Variants in SETD2 observed in about 807,000 individuals in gnomAD.
The protein encoded by SETD2 is SET domain containing 2, histone lysine methyltransferase, also known as histone-lysine N-methyltransferase SETD2.
SETD2 carries 31 observed loss-of-function variants against 242.1 expected under a neutral mutation model. The observed-to-expected ratio is 0.13, with a 90% CI of 0.10 to 0.17. The LOEUF is 0.17. SETD2 is among the 10% of genes least tolerant of loss of function. SETD2 has a pLI of 1.00. For synonymous variants in SETD2, 1,006 were observed against 1,066.5 expected, an observed-to-expected ratio of 0.94 and a Z score of 1.11; for missense variants, 2,481 against 3,046.3, an observed-to-expected ratio of 0.81 and a Z score of 4.37.
chr3:47,105,903 CAAAAA>C (rs55987628), intron 6 of SETD2, 89 bp downstream of exon 6: 9,598 of 955,674 alleles, frequency 0.01, no homozygotes, highest in South Asian at 0.015. Context: ...ACTCCGTCTC[CAAAAA>C]AAAAAAAAAA....
intron 18 of SETD2, among the ~76,000 whole-genome samples, chr3:47,029,850 C>T (rs528637006): frequency 7.2e-5 from 11 of 152,020 alleles, no homozygotes; most frequent in Non-Finnish European, 1.5e-4. Flanking sequence ...CTACAAAAAG[C>T]GGACATTTAA....
At chr3:47,066,349 C>G (rs1431285822) in intron 13 of SETD2, among the ~76,000 whole-genome samples, 1 of 151,984 alleles carries the variant, frequency 6.6e-6, no homozygotes, top group Admixed American at 6.6e-5. Flanking sequence ...TACATGTAAA[C>G]ATCTTTTTTC....
intron 1 of SETD2, among the ~76,000 whole-genome samples, chr3:47,149,250 A>C (rs2043929665): frequency 6.6e-6 from 1 of 152,192 alleles, no homozygotes; most frequent in Non-Finnish European, 1.5e-5. Flanking sequence ...CCAAGTTCTG[A>C]TATGCCACTA....
At chr3:47,026,795 G>A (rs1271825051) in intron 18 of SETD2, among the ~76,000 whole-genome samples, 2 of 151,660 alleles carry the variant, frequency 1.3e-5, no homozygotes, top group East Asian at 3.9e-4. Context: ...ATCACACACT[G>A]GGGCCTGTCA....
intron 3 of SETD2, among the ~76,000 whole-genome samples, chr3:47,118,117 G>A (rs1229635070): frequency 1.3e-5 from 2 of 152,136 alleles, no homozygotes; most frequent in Non-Finnish European, 2.9e-5. Context: ...CTAAGTTTAG[G>A]TGAAAAGAAT....
chr3:47,087,171 G>C (rs2041597210), intron 10 of SETD2, among the ~76,000 whole-genome samples: 1 of 151,224 alleles, frequency 6.6e-6, no homozygotes, highest in Non-Finnish European at 1.5e-5. Context: ...CTAGTAACTG[G>C]AGGGTAAAAG....
rs1174283471 is a variant in SETD2, at chr3:47,058,440, CA to C, written c.6294-951del. Among the ~76,000 whole-genome samples the C allele has an allele frequency of 2.6e-3, 58 of 21,974 alleles. No individual in the cohort carries two copies. The East Asian group carries it at 0.038, about 15-fold the overall frequency. The allele number at this position is 21,974 out of a possible 152,430, so 14.4% of individuals were successfully genotyped here. On this transcript the variant is annotated intron_variant, in intron 14 of 20. Coordinates refer to ENST00000409792, the MANE Select transcript of SETD2 (RefSeq NM_014159.7). ...TGGGCAACAGGGCAAGACACCGTCTCAAAAAAAAAAAAAAAAAAAAAAAACA... is the reference window on the plus strand; with the variant it reads ...TGGGCAACAGGGCAAGACACCGTCTCAAAAAAAAAAAAAAAAAAAAAAACA...
intron 12 of SETD2, 107 bp downstream of exon 12, chr3:47,083,613 T>C (rs988085245): frequency 9.4e-7 from 1 of 1,060,990 alleles, no homozygotes. Context: ...CAGTATTCCA[T>C]TTTTCAGAAA....
At chr3:47,018,246 A>C (rs2038066589) in intron 19 of SETD2, among the ~76,000 whole-genome samples, 1 of 152,190 alleles carries the variant, frequency 6.6e-6, no homozygotes, top group Non-Finnish European at 1.5e-5. Flanking sequence ...TATGACAGCC[A>C]GCAAAGGAAA....
At chr3:47,072,524 A>T (rs2040868666) in intron 12 of SETD2, among the ~76,000 whole-genome samples, 1 of 152,114 alleles carries the variant, frequency 6.6e-6, no homozygotes, top group South Asian at 2.1e-4. Context: ...AAAGAGAAAA[A>T]AAGACTGCAA....
chr3:47,143,758 T>TGGA (rs2043789129), intron 1 of SETD2, among the ~76,000 whole-genome samples: 2 of 152,188 alleles, frequency 1.3e-5, no homozygotes, highest in Admixed American at 1.3e-4. Flanking sequence ...TCGCCCAGGC[T>TGGA]GGAGTGCAGT....
intron 18 of SETD2, among the ~76,000 whole-genome samples, chr3:47,027,866 A>C (rs2038572361): frequency 6.6e-6 from 1 of 150,470 alleles, no homozygotes; most frequent in South Asian, 2.1e-4. Context: ...ATCTCGGCTC[A>C]CTGCAACCTC....
At chr3:47,078,328 T>A (rs957763787) in intron 12 of SETD2, among the ~76,000 whole-genome samples, 2 of 152,078 alleles carry the variant, frequency 1.3e-5, no homozygotes, top group Admixed American at 1.3e-4. Context: ...ACCAAAAAAA[T>A]GTATACCTGA....
rs187569197 is a variant in SETD2, at chr3:47,031,864, A to G, written c.7350+5802T>C. Among the ~76,000 whole-genome samples the G allele has an allele frequency of 2.0e-3, 303 of 152,348 alleles. 3 individuals carry two copies. The highest frequency in any genetic ancestry group is 6.7e-3 in the African/African-American group (277 of 41,590). On this transcript the variant is annotated intron_variant, in intron 18 of 20. Transcript: ENST00000409792. ...AGCATTATTTTAAAATAACATTAGC[A>G]AATCTATTATATAACAATACATATA...
At chr3:47,106,922 T>C (rs2042451134) in intron 5 of SETD2, among the ~76,000 whole-genome samples, 1 of 152,152 alleles carries the variant, frequency 6.6e-6, no homozygotes. Context: ...CAAATCTAAT[T>C]CCCTTTATGT....
intron 18 of SETD2, among the ~76,000 whole-genome samples, chr3:47,032,521 T>A (rs1372274240): frequency 2.6e-5 from 4 of 151,432 alleles, no homozygotes; most frequent in Admixed American, 2.0e-4. Flanking sequence ...GAGGTATGGC[T>A]AAGCCAATAG....
intron 15 of SETD2, 39 bp downstream of exon 15, chr3:47,056,782 G>C: frequency 6.5e-7 from 1 of 1,540,132 alleles, no homozygotes; most frequent in Non-Finnish European, 8.9e-7. Flanking sequence ...CCCATGAACA[G>C]ACCATAAAGC....
intron 13 of SETD2, among the ~76,000 whole-genome samples, chr3:47,065,624 TGTCTCTACAAAAAATAA>T (rs2040527127): frequency 1.3e-5 from 2 of 152,084 alleles, no homozygotes; most frequent in South Asian, 4.2e-4. Context: ...AGCGAGACTC[TGTCTCTACAAAAAATAA>T]ATAAATAAAT....
At chr3:47,047,283 C>T (rs1192958880) in intron 15 of SETD2, among the ~76,000 whole-genome samples, 1 of 152,180 alleles carries the variant, frequency 6.6e-6, no homozygotes, top group South Asian at 2.1e-4. Flanking sequence ...ACCATCAAAA[C>T]CAGGTACTGC....
Sources: allele counts gnomAD v4.1 joint callset (sites outside exome capture counted in the v4.1 genomes callset), GRCh38; gene constraint gnomAD v4.1.1; transcripts MANE v1.5; gene names NCBI Gene and HGNC (gene_info 2026-07-23, HGNC 2026-07-21).